Variants in CFAP299 observed in about 807,000 individuals in gnomAD.
CFAP299 encodes cilia and flagella associated protein 299.
CFAP299 carries 21 observed loss-of-function variants against 27.0 expected under a neutral mutation model. The observed-to-expected ratio is 0.78, with a 90% CI of 0.55 to 1.12. CFAP299 has a LOEUF of 1.12. Ranked by LOEUF, CFAP299 falls within the 50% of genes most tolerant of loss-of-function variation. The probability of loss-of-function intolerance (pLI) is 0.00; values close to 1 mark genes in which losing one functional copy is unlikely to be tolerated. For synonymous variants in CFAP299, 104 were observed against 98.1 expected, an observed-to-expected ratio of 1.06 and a Z score of -0.36; for missense variants, 310 against 276.6, an observed-to-expected ratio of 1.12 and a Z score of -0.86.
In CFAP299 at chr4:80,341,904, T is replaced by C. The variant is rs138657194; in HGVS notation, c.111+6025T>C. ...GCTAAAGGAGCATGTTGTAACCCAA[T>C]GAAAAGAAGCTAGAATCATGATAAA... On this transcript the variant is annotated intron_variant, in intron 1 of 5. Coordinates refer to ENST00000358105, the MANE Select transcript of CFAP299 (RefSeq NM_152770.3). Among the ~76,000 whole-genome samples the C allele has an allele frequency of 6.2e-3, 949 of 152,106 alleles. 2 individuals carry two copies. Among genetic ancestry groups the C allele is most frequent in the Middle Eastern group, 0.024 (7 of 294 alleles).
chr4:80,888,084 A>G (rs1734060597), intron 4 of CFAP299, among the ~76,000 whole-genome samples: 1 of 152,110 alleles, frequency 6.6e-6, no homozygotes, highest in Non-Finnish European at 1.5e-5. Context: ...AGAGAAGACC[A>G]TTAAGCAACC....
chr4:80,433,447 T>TA, intron 2 of CFAP299, among the ~76,000 whole-genome samples: 1 of 152,258 alleles, frequency 6.6e-6, no homozygotes, highest in South Asian at 2.1e-4. Flanking sequence ...TACTTTACCT[T>TA]AAAAAAACGA....
intron 4 of CFAP299, among the ~76,000 whole-genome samples, chr4:80,881,978 C>T (rs1359564290): frequency 6.6e-6 from 1 of 151,850 alleles, no homozygotes; most frequent in Non-Finnish European, 1.5e-5. Context: ...TTACTAGAGG[C>T]CTCAACAGCA....
intron 3 of CFAP299, among the ~76,000 whole-genome samples, chr4:80,723,407 GA>G (rs1560717703): frequency 6.6e-6 from 1 of 152,074 alleles, no homozygotes; most frequent in Non-Finnish European, 1.5e-5. Context: ...AATAATAAAT[GA>G]ACTGCTGATA....
intron 3 of CFAP299, among the ~76,000 whole-genome samples, chr4:80,637,215 G>A (rs1286967460): frequency 1.3e-5 from 2 of 152,154 alleles, no homozygotes; most frequent in East Asian, 1.9e-4. Flanking sequence ...TATAAAAGAG[G>A]TATGGTTAAT....
intron 2 of CFAP299, among the ~76,000 whole-genome samples, chr4:80,490,185 TTTC>T (rs1731042814): frequency 6.6e-6 from 1 of 152,204 alleles, no homozygotes; most frequent in Non-Finnish European, 1.5e-5. Flanking sequence ...TAAGCAAAAC[TTTC>T]TTTTTAGATA....
intron 3 of CFAP299, among the ~76,000 whole-genome samples, chr4:80,866,473 C>T (rs1014752678): frequency 2.0e-5 from 3 of 152,078 alleles, no homozygotes; most frequent in African/African-American, 4.8e-5. Context: ...AAAGAGGCTG[C>T]TCAATGGCCA....
intron 3 of CFAP299, among the ~76,000 whole-genome samples, chr4:80,629,882 A>C (rs1027369895): frequency 2.5e-5 from 2 of 80,438 alleles, no homozygotes; most frequent in Non-Finnish European, 8.0e-5. Context: ...AAAAAAAAAA[A>C]AACAAAAAAA....
chr4:80,920,070 A>C lies in CFAP299; in HGVS notation c.477-24740A>C, dbSNP rs181271342. Among the ~76,000 whole-genome samples, 592 of 152,246 alleles carry C rather than the reference A, an allele frequency of 3.9e-3. 3 individuals are homozygous for C. The highest frequency in any genetic ancestry group is 6.6e-3 in the Non-Finnish European group (449 of 68,006). The stretch of plus-strand genomic sequence containing the variant: ...ATGGTACATTCTTCCCACCTCCACT[A>C]AAGGATCTCCCATTGAAGTTTTGTC... On this transcript the variant is annotated intron_variant, in intron 4 of 5. Transcript: ENST00000358105.
intron 3 of CFAP299, among the ~76,000 whole-genome samples, chr4:80,652,260 A>G (rs990214514): frequency 1.3e-5 from 2 of 152,164 alleles, no homozygotes; most frequent in African/African-American, 4.8e-5. Context: ...CATCAAGTGG[A>G]GTCGCTGCAT....
intron 4 of CFAP299, among the ~76,000 whole-genome samples, chr4:80,924,204 G>C (rs1736185721): frequency 1.3e-5 from 2 of 151,938 alleles, no homozygotes; most frequent in South Asian, 4.1e-4. Context: ...CAAATATTTT[G>C]TGAAACTTTT....
intron 2 of CFAP299, among the ~76,000 whole-genome samples, chr4:80,456,039 G>T (rs921133818): frequency 3.3e-5 from 5 of 152,086 alleles, no homozygotes; most frequent in Non-Finnish European, 1.5e-5. Flanking sequence ...GCTAGGGTGG[G>T]GTTGTAGTTT....
intron 4 of CFAP299, among the ~76,000 whole-genome samples, chr4:80,886,248 A>G (rs1250956150): frequency 6.6e-6 from 1 of 152,210 alleles, no homozygotes; most frequent in East Asian, 1.9e-4. Flanking sequence ...CCCAGACAGC[A>G]TTTCTGAATG....
intron 3 of CFAP299, among the ~76,000 whole-genome samples, chr4:80,808,922 A>C (rs1729002413): frequency 6.6e-6 from 1 of 152,134 alleles, no homozygotes; most frequent in Admixed American, 6.6e-5. Context: ...ATTTATATGC[A>C]TATCTTCCAG....
intron 3 of CFAP299, among the ~76,000 whole-genome samples, chr4:80,826,961 A>G (rs950744300): frequency 1.3e-5 from 2 of 151,812 alleles, no homozygotes; most frequent in African/African-American, 2.4e-5. Flanking sequence ...TAAACCACCA[A>G]TGGATCAAAA....
chr4:80,946,831 A>T (rs1737503795), intron 5 of CFAP299, among the ~76,000 whole-genome samples: 1 of 152,236 alleles, frequency 6.6e-6, no homozygotes, highest in Non-Finnish European at 1.5e-5. Flanking sequence ...GGCAAAGTAC[A>T]GAAAACTTAA....
chr4:80,400,042 G>T (rs1726054363), intron 2 of CFAP299, among the ~76,000 whole-genome samples: 2 of 151,664 alleles, frequency 1.3e-5, no homozygotes, highest in African/African-American at 4.8e-5. Context: ...TTGGATTTTT[G>T]CCAACTTGTG....
chr4:80,841,979 C>T (rs1730885911), intron 3 of CFAP299, among the ~76,000 whole-genome samples: 1 of 152,092 alleles, frequency 6.6e-6, no homozygotes. Flanking sequence ...CAGTATTTCT[C>T]AGTGTGTGAG....
intron 3 of CFAP299, among the ~76,000 whole-genome samples, chr4:80,724,514 A>G (rs1252087458): frequency 6.6e-6 from 1 of 152,160 alleles, no homozygotes; most frequent in Non-Finnish European, 1.5e-5. Flanking sequence ...AAGCAACTAT[A>G]GCCTCTTTTT....
Sources: allele counts gnomAD v4.1 joint callset (sites outside exome capture counted in the v4.1 genomes callset), GRCh38; gene constraint gnomAD v4.1.1; transcripts MANE v1.5; gene names NCBI Gene and HGNC (gene_info 2026-07-23, HGNC 2026-07-21).